Variants in SGPP1 observed in about 807,000 individuals in gnomAD.
The protein encoded by SGPP1 is sphingosine-1-phosphate phosphatase 1.
Under a neutral mutation model 33.0 loss-of-function variants are expected in SGPP1, and 21 were observed. The observed-to-expected ratio is 0.64, with a 90% CI of 0.45 to 0.92. The LOEUF (loss-of-function observed/expected upper bound fraction) is 0.92, where lower values mean the gene tolerates loss of function less well. Among genes scored for constraint, SGPP1 ranks in the 40% least tolerant of loss-of-function variants. The pLI is 0.00. For missense variants in SGPP1, 543 were observed against 589.4 expected, an observed-to-expected ratio of 0.92 and a Z score of 0.81; for synonymous variants, 239 against 241.2, an observed-to-expected ratio of 0.99 and a Z score of 0.08.
chr14:63,707,460 T>C (rs185933538), intron 1 of SGPP1, among the ~76,000 whole-genome samples: 9 of 152,210 alleles, frequency 5.9e-5, no homozygotes, highest in Admixed American at 2.6e-4. Context: ...AAATTCCTGA[T>C]TGCCTCTCCA....
chr14:63,686,801 G>C (rs1884990581), intron 2 of SGPP1, 145 bp from the exon 3 acceptor site: 3 of 582,844 alleles, frequency 5.1e-6, no homozygotes, highest in Admixed American at 6.8e-5. Flanking sequence ...TTTATTAACT[G>C]ACCATATAAG....
At chr14:63,701,025 G>C (rs1175239008) in intron 1 of SGPP1, among the ~76,000 whole-genome samples, 2 of 151,856 alleles carry the variant, frequency 1.3e-5, no homozygotes, top group Non-Finnish European at 2.9e-5. Flanking sequence ...CTGTTGCCCA[G>C]GCTGGAGTGC....
intron 1 of SGPP1, among the ~76,000 whole-genome samples, chr14:63,719,077 G>C (rs762422234): frequency 9.8e-5 from 12 of 123,062 alleles, no homozygotes; most frequent in Admixed American, 7.0e-4. Flanking sequence ...ATCCAAGCTG[G>C]AGTGCAGTGG....
chr14:63,708,483 C>T (rs1476591322), intron 1 of SGPP1, among the ~76,000 whole-genome samples: 1 of 150,486 alleles, frequency 6.6e-6, no homozygotes, highest in Non-Finnish European at 1.5e-5. Flanking sequence ...AGGCTTGTCT[C>T]GAACTCCTAA....
At chr14:63,709,251 G>A (rs1215591503) in intron 1 of SGPP1, among the ~76,000 whole-genome samples, 1 of 151,928 alleles carries the variant, frequency 6.6e-6, no homozygotes, top group Non-Finnish European at 1.5e-5. Flanking sequence ...GTGGGGGCCT[G>A]TAATCCCAGC....
chr14:63,724,707 T>C (rs1478012019), intron 1 of SGPP1, among the ~76,000 whole-genome samples: 1 of 110,162 alleles, frequency 9.1e-6, no homozygotes, highest in Non-Finnish European at 1.9e-5. Flanking sequence ...GGGAGGCCAG[T>C]GGTGGGGAGG....
chr14:63,711,257 C>T (rs993812516), intron 1 of SGPP1, among the ~76,000 whole-genome samples: 16 of 152,010 alleles, frequency 1.1e-4, no homozygotes, highest in South Asian at 6.2e-4. Context: ...TCAGGTGATC[C>T]GCCCACCTCG....
At chr14:63,712,866 G>A (rs934555105) in intron 1 of SGPP1, among the ~76,000 whole-genome samples, 1 of 140,104 alleles carries the variant, frequency 7.1e-6, no homozygotes, top group East Asian at 2.2e-4. Flanking sequence ...GCAGTGAGCC[G>A]AGATCGTGCC....
intron 1 of SGPP1, among the ~76,000 whole-genome samples, chr14:63,702,205 T>A (rs1885314449): frequency 6.6e-6 from 1 of 152,084 alleles, no homozygotes; most frequent in Non-Finnish European, 1.5e-5. Flanking sequence ...GTCCAAGGTG[T>A]TTAAAAAGGA....
intron 1 of SGPP1, 113 bp from the exon 2 acceptor site, chr14:63,698,771 GT>G: frequency 4.0e-6 from 2 of 503,976 alleles, no homozygotes; most frequent in Non-Finnish European, 6.8e-6. Flanking sequence ...CAAGAAATTT[GT>G]TTTTACTCCC....
Position 63,686,070 on chromosome 14 carries a change from T to TAC in SGPP1, c.*33_*34dup, listed in dbSNP as rs1410860643. 7.3e-7 allele frequency: 1 copy of TAC among 1,366,730 alleles called. No individual in the cohort carries two copies. Among genetic ancestry groups the TAC allele is most frequent in the Non-Finnish European group, 9.9e-7 (1 of 1,011,742 alleles). The allele number at this position is 1,366,730 out of a possible 1,614,324, so 84.7% of individuals were successfully genotyped here. On this transcript the variant is annotated 3_prime_UTR_variant, in exon 3 of 3. Coordinates refer to ENST00000247225, the MANE Select transcript of SGPP1 (RefSeq NM_030791.4). ...TATATTTTTGGGTATCAGTAACTGA[T>TAC]ACCCTCCTTTCTTATCATAAACAAT...
intron 2 of SGPP1, among the ~76,000 whole-genome samples, chr14:63,688,219 G>A (rs1885021399): frequency 6.6e-6 from 1 of 151,092 alleles, no homozygotes; most frequent in Non-Finnish European, 1.5e-5. Flanking sequence ...AGGAGGCTGA[G>A]GCAGGAGAAC....
At position 63,727,335 on chromosome 14, in the gene SGPP1, T is replaced by C; in HGVS notation, c.610A>G (p.Met204Val). 6.2e-7 allele frequency: 1 copy of C among 1,614,080 alleles called. No individual in the cohort carries two copies. Among genetic ancestry groups the C allele is most frequent in the Non-Finnish European group, 8.5e-7 (1 of 1,180,002 alleles). ...LEVFYNSEYS[M>V]PSTHAMSGTA... Reference sequence around the variant, plus strand: ...CCGGACATGGCATGGGTGGAGGGCATGCTGTACTCAGAGTTGTAGAAGACC... The same window carrying C: ...CCGGACATGGCATGGGTGGAGGGCACGCTGTACTCAGAGTTGTAGAAGACC... Residue 204 changes from methionine to valine, a missense_variant, in exon 1 of 3, where the codon ATG becomes GTG. Physicochemically the swap from Met to Val is conservative, Grantham distance 21. Transcript: ENST00000247225.
At chr14:63,709,369 T>C (rs1383435565) in intron 1 of SGPP1, among the ~76,000 whole-genome samples, 8 of 149,102 alleles carry the variant, frequency 5.4e-5, no homozygotes, top group Non-Finnish European at 7.4e-5. Context: ...AGGGAGTCTC[T>C]GTCTCAAAAA....
chr14:63,727,501 G>C lies in SGPP1; in HGVS notation c.444C>G (p.Phe148Leu), dbSNP rs922786487. 1.9e-6 allele frequency: 3 copies of C among 1,614,154 alleles called. No homozygotes were observed. Among genetic ancestry groups the C allele is most frequent in the Non-Finnish European group, 2.5e-6 (3 of 1,180,028 alleles). Reference sequence around the variant, plus strand: ...GGTCCAGGTTCCAGATCCAGAAGGGGAAGAACAGGATGTAGAAGAGTTCGT... The same window carrying C: ...GGTCCAGGTTCCAGATCCAGAAGGGCAAGAACAGGATGTAGAAGAGTTCGT... Reference protein sequence around the residue: ...LGNELFYILFFPFWIWNLDPL... With the variant: ...LGNELFYILFLPFWIWNLDPL... The change falls in exon 1 of 3, where the codon TTC (phenylalanine) becomes TTG (leucine). Residue 148 changes from phenylalanine to leucine, a missense_variant. Coordinates refer to ENST00000247225, the MANE Select transcript of SGPP1 (RefSeq NM_030791.4).
chr14:63,703,874 A>G (rs561692674), intron 1 of SGPP1, among the ~76,000 whole-genome samples: 2 of 146,718 alleles, frequency 1.4e-5, no homozygotes, highest in African/African-American at 5.1e-5. Flanking sequence ...CTGGAGTGCA[A>G]TCTAGCAGTG....
intron 2 of SGPP1, among the ~76,000 whole-genome samples, chr14:63,691,969 AGAAAG>A (rs2139628930): frequency 6.6e-6 from 1 of 152,312 alleles, no homozygotes; most frequent in East Asian, 1.9e-4. Context: ...AAAAAAAAGA[AGAAAG>A]GAAGAAAGAA....
rs1214217233 is a variant in SGPP1 at position 63,727,485 on chromosome 14, T to C, written c.460A>G (p.Asn154Asp). ...YILFFPFWIW[N>D]LDPLVGRRLV... ...CTCCGGCCCACCAGAGGGTCCAGGT[T>C]CCAGATCCAGAAGGGGAAGAACAGG... The change falls in exon 1 of 3, where the codon AAC (asparagine) becomes GAC (aspartate). Residue 154 changes from asparagine (N) to aspartate (D), a missense_variant. Transcript: ENST00000247225. The C allele has an allele frequency of 1.9e-6, 3 of 1,614,014 alleles. No individual in the cohort carries two copies. The highest frequency in any genetic ancestry group is 2.2e-5 in the East Asian group (1 of 44,862).
In SGPP1 at chr14:63,716,698, CT is replaced by C. The variant is rs113716596; in HGVS notation, c.684+10562del. 2.9e-3 allele frequency among the ~76,000 whole-genome samples: 416 copies of C among 142,692 alleles called. 1 individual carries two copies. The highest frequency in any genetic ancestry group is 5.3e-3 in the Admixed American group (76 of 14,244). The allele number at this position is 142,692 out of a possible 152,430, so 93.6% of individuals were successfully genotyped here. On this transcript the variant is annotated intron_variant, in intron 1 of 2. Coordinates refer to ENST00000247225, the MANE Select transcript of SGPP1 (RefSeq NM_030791.4). ...CAGTGAGTCTCTGTACCCAATAATA[CT>C]TTTTTTTTTTTTGAGATAGAGTCTC...
Sources: allele counts gnomAD v4.1 joint callset (sites outside exome capture counted in the v4.1 genomes callset), GRCh38; gene constraint gnomAD v4.1.1; transcripts MANE v1.5; gene names NCBI Gene and HGNC (gene_info 2026-07-23, HGNC 2026-07-21).